Variants in TRPM5 observed in about 807,000 individuals in gnomAD.
TRPM5 encodes MLSN1 and TRP-related.
TRPM5 carries 121 observed loss-of-function variants against 124.9 expected under a neutral mutation model. That is an observed-to-expected ratio of 0.97 (90% CI 0.84 to 1.13). The LOEUF is 1.13. Among genes scored for constraint, TRPM5 ranks in the 50% most tolerant of loss-of-function variants. TRPM5 has a pLI of 0.00. For missense variants in TRPM5, 1,643 were observed against 1,589.1 expected (o/e 1.03, Z -0.58); for synonymous variants, 781 against 700.5 (o/e 1.11, Z -1.81).
intron 18 of TRPM5, among the ~76,000 whole-genome samples, chr11:2,409,949 C>T (rs926813120): frequency 3.3e-5 from 5 of 152,160 alleles, no homozygotes; most frequent in East Asian, 1.9e-4. Flanking sequence ...TCATACGAGT[C>T]GCTGAGACTG....
chr11:2,408,259 C>T (rs1214061308), intron 18 of TRPM5, among the ~76,000 whole-genome samples: 1 of 152,146 alleles, frequency 6.6e-6, no homozygotes, highest in Non-Finnish European at 1.5e-5. Flanking sequence ...TCACGGGACC[C>T]AGGTTTCTCC....
intron 12 of TRPM5, 52 bp downstream of exon 17, chr11:2,414,009 G>GGGGCGCCGCCCCCC: frequency 9.8e-7 from 1 of 1,023,734 alleles, no homozygotes; most frequent in Non-Finnish European, 1.4e-6. Context: ...GGCCCAGCTC[G>GGGGCGCCGCCCCCC]CCCGCCCACC....
intron 18 of TRPM5, among the ~76,000 whole-genome samples, chr11:2,408,903 C>T (rs1193774110): frequency 6.6e-6 from 1 of 152,214 alleles, no homozygotes; most frequent in Admixed American, 6.5e-5. Context: ...TTGGATGTGC[C>T]TGGCACACAT....
intron 8 of TRPM5, 68 bp from the exon 14 acceptor site, chr11:2,415,539 C>A: frequency 8.8e-7 from 1 of 1,130,498 alleles, no homozygotes; most frequent in Non-Finnish European, 1.2e-6. Context: ...GGAGGGGGTC[C>A]AAGGAAGGAG....
chr11:2,417,878 G>A (rs547849017), intron 6 of TRPM5, 49 bp from the exon 12 acceptor site: 3 of 1,501,838 alleles, frequency 2.0e-6, no homozygotes, highest in Non-Finnish European at 2.7e-6. Context: ...CCAGGACGGG[G>A]GCAGAGGCAG....
chr11:2,416,205 C>T (rs1009292328), intron 7 of TRPM5, among the ~76,000 whole-genome samples, 181 bp from the exon 13 acceptor site: 4 of 152,252 alleles, frequency 2.6e-5, no homozygotes, highest in Admixed American at 6.5e-5. Context: ...TTGTACAAAC[C>T]GCAGGAGAAA....
exon 9 of TRPM5, chr11:2,415,382 C>T: frequency 6.3e-7 from 1 of 1,590,390 alleles, no homozygotes; most frequent in Non-Finnish European, 8.5e-7. Flanking sequence ...GGAAGTCGGC[C>T]ACGTCTGCGC....
intron 18 of TRPM5, among the ~76,000 whole-genome samples, chr11:2,410,298 G>A (rs114638983): frequency 0.02 from 3,013 of 152,242 alleles, 89 homozygotes; most frequent in African/African-American, 0.067. Context: ...CGGTCTGGCC[G>A]TCATCCCCTC....
intron 23 of TRPM5, 119 bp downstream of exon 28, chr11:2,405,408 C>A: frequency 9.1e-7 from 1 of 1,104,090 alleles, no homozygotes; most frequent in Non-Finnish European, 1.3e-6. Context: ...GCCAAGGCCT[C>A]CTGAGACTCC....
chr11:2,412,368 G>C (rs554594424), intron 15 of TRPM5, 115 bp from the exon 21 acceptor site: 4 of 550,218 alleles, frequency 7.3e-6, no homozygotes, highest in Non-Finnish European at 1.1e-5. Context: ...GACCAGGGCC[G>C]AGGCTACCAG....
intron 18 of TRPM5, 51 bp from the exon 24 acceptor site, chr11:2,407,963 G>C: frequency 6.3e-7 from 1 of 1,595,468 alleles, no homozygotes. Context: ...CCACAAGGGC[G>C]GCCTTAGGCA....
chr11:2,405,390 C>T (rs751586678), intron 23 of TRPM5, 137 bp downstream of exon 28: 61 of 892,468 alleles, frequency 6.8e-5, no homozygotes, highest in Admixed American at 4.9e-4. Context: ...CCTGAAGAGC[C>T]GCGTCCAGCC....
intron 20 of TRPM5, 68 bp downstream of exon 25, chr11:2,407,051 G>A (rs868839542): frequency 5.3e-5 from 77 of 1,456,002 alleles, no homozygotes; most frequent in South Asian, 1.7e-4. Flanking sequence ...TGCCTCCAGC[G>A]CACAGCCCCG....
At chr11:2,437,467 A>G in the TRPM5 span, among the ~76,000 whole-genome samples, 1 of 152,164 alleles carries the variant, frequency 6.6e-6, no homozygotes, top group African/African-American at 2.4e-5. This position sits in a 1 kb window ranked among gnomAD's most constrained non-coding sequence, Gnocchi z 5.6. Context: ...TCAGGAAGGC[A>G]AGGCCTCTTG....
the TRPM5 span, among the ~76,000 whole-genome samples, chr11:2,437,483 T>A: frequency 6.6e-6 from 1 of 152,078 alleles, no homozygotes; most frequent in African/African-American, 2.4e-5. This position sits in a 1 kb window ranked among gnomAD's most constrained non-coding sequence, Gnocchi z 5.6. Context: ...TCTTGTGCAG[T>A]GTGTGGGGCA....
At chr11:2,406,571 C>A in intron 21 of TRPM5, 90 bp downstream of exon 26, 12 of 1,499,214 alleles carry the variant, frequency 8.0e-6, no homozygotes, top group Non-Finnish European at 1.1e-5. Flanking sequence ...TTCAGTTCGC[C>A]AGCTCAGATC....
At chr11:2,414,864 G>GC in intron 10 of TRPM5, 26 bp from the exon 16 acceptor site, 4 of 1,590,510 alleles carry the variant, frequency 2.5e-6, no homozygotes, top group Non-Finnish European at 3.4e-6. Flanking sequence ...TCAGGAGGCC[G>GC]CCCCTCCCCT....
At chr11:2,414,311 C>T in intron 11 of TRPM5, 105 bp from the exon 17 acceptor site, 1 of 1,460,570 alleles carries the variant, frequency 6.8e-7, no homozygotes, top group Non-Finnish European at 9.1e-7. Flanking sequence ...GCAGCCGCAC[C>T]CTGCGTTCAA....
exon 11 of TRPM5, chr11:2,414,749 G>C (rs1243801965): frequency 1.3e-6 from 2 of 1,546,968 alleles, no homozygotes; most frequent in East Asian, 4.9e-5. Context: ...CCTCGCGCGT[G>C]GCTCGGGCCG....
Sources: gnomAD v4.1 joint callset for allele counts (sites outside exome capture counted in the v4.1 genomes callset) on GRCh38, gnomAD v4.1.1 for gene constraint, Gnocchi (gnomAD v3.1) non-coding constraint, MANE v1.5 for transcripts, NCBI Gene and HGNC (gene_info 2026-07-23, HGNC 2026-07-21) for gene names.